ACYP2: variants seen among roughly 807,000 people sequenced by gnomAD.
The protein encoded by ACYP2 is acylphosphatase 2.
Under a neutral mutation model 11.2 loss-of-function variants are expected in ACYP2, and 12 were observed. The observed-to-expected ratio is 1.08, with a 90% CI of 0.69 to 1.74. ACYP2 has a LOEUF of 1.74. Among genes scored for constraint, ACYP2 ranks in the 40% most tolerant of loss-of-function variants. The pLI is 0.00. For synonymous variants in ACYP2, 43 were observed against 32.2 expected, an observed-to-expected ratio of 1.33 and a Z score of -1.13; for missense variants, 134 against 101.9, an observed-to-expected ratio of 1.31 and a Z score of -1.35.
chr2:54,097,933 C>T, intron 4 of ACYP2, among the ~76,000 whole-genome samples: 1 of 127,518 alleles, frequency 7.8e-6, no homozygotes, highest in Non-Finnish European at 1.9e-5. Flanking sequence ...CTTCCTCCCC[C>T]TCCTTCCCTT....
chr2:54,022,424 C>T (rs998528659), intron 2 of ACYP2, among the ~76,000 whole-genome samples: 46 of 152,100 alleles, frequency 3.0e-4, no homozygotes, highest in African/African-American at 1.1e-3. Context: ...CTCTGTCACC[C>T]ATGCTAGAGT....
chr2:54,081,548 C>A (rs74655156), intron 4 of ACYP2, among the ~76,000 whole-genome samples: 1 of 152,134 alleles, frequency 6.6e-6, no homozygotes, highest in Admixed American at 6.6e-5. Flanking sequence ...ACCATATAGA[C>A]CAGGTGTGGA....
At chr2:54,011,858 G>A (rs899354111) in intron 2 of ACYP2, among the ~76,000 whole-genome samples, 1 of 151,932 alleles carries the variant, frequency 6.6e-6, no homozygotes, top group East Asian at 1.9e-4. Flanking sequence ...AGTTTTAAAT[G>A]GTTTCAAGTC....
intron 2 of ACYP2, among the ~76,000 whole-genome samples, chr2:54,004,130 T>C (rs6715488): frequency 0.47 from 70,721 of 151,704 alleles, 16,659 homozygotes; most frequent in South Asian, 0.55. Flanking sequence ...ACCACAGACA[T>C]GCGCCGCCAT....
intron 4 of ACYP2, among the ~76,000 whole-genome samples, chr2:54,133,584 C>T (rs1243741136): frequency 1.3e-5 from 2 of 152,170 alleles, no homozygotes; most frequent in Non-Finnish European, 2.9e-5. Flanking sequence ...CCTATTTTAA[C>T]CAACTCTCAA....
At chr2:54,250,818 A>G (rs1687189317) in intron 6 of ACYP2, among the ~76,000 whole-genome samples, 2 of 152,254 alleles carry the variant, frequency 1.3e-5, no homozygotes, top group Admixed American at 6.5e-5. Context: ...ATAATTCTAT[A>G]GAAGTTTTTG....
At chr2:54,036,718 C>A (rs1156679197) in intron 2 of ACYP2, among the ~76,000 whole-genome samples, 1 of 152,182 alleles carries the variant, frequency 6.6e-6, no homozygotes, top group Non-Finnish European at 1.5e-5. Context: ...ATTAGGCAAG[C>A]AAGAAAATTC....
chr2:54,274,073 C>G (rs1358132338), intron 6 of ACYP2, among the ~76,000 whole-genome samples: 1 of 152,116 alleles, frequency 6.6e-6, no homozygotes, highest in East Asian at 1.9e-4. Context: ...TGAGACTGAG[C>G]AATTTACAAA....
At chr2:54,269,655 A>G (rs1660634330) in intron 6 of ACYP2, among the ~76,000 whole-genome samples, 1 of 152,204 alleles carries the variant, frequency 6.6e-6, no homozygotes, top group African/African-American at 2.4e-5. Flanking sequence ...ACCATTTGGC[A>G]CTAATATCCC....
In ACYP2 at chr2:54,088,736, C is replaced by T. The variant is rs1678073563; in HGVS notation, c.277+31376C>T. Among the ~76,000 whole-genome samples, 5 of 152,124 alleles carry T rather than the reference C, an allele frequency of 3.3e-5. No individual in the cohort carries two copies. In the South Asian group the frequency reaches 1.0e-3, roughly 32 times the overall value. On this transcript the variant is annotated intron_variant, in intron 4 of 6. Coordinates refer to ENST00000607452, the MANE Select transcript of ACYP2 (RefSeq NM_001320586.2). ...GTGGCTTAAAGTGACCATAGATTGG[C>T]CTATTAATTAAGATTAAGCTGAAAA... is the stretch of plus-strand genomic sequence containing the variant.
chr2:54,004,943 T>C lies in ACYP2; in HGVS notation c.62+31133T>C, dbSNP rs79085132. Among the ~76,000 whole-genome samples the C allele has an allele frequency of 1.4e-3, 207 of 151,680 alleles. 1 individual carries two copies. In the East Asian group the frequency reaches 0.015, roughly 11 times the overall value. On this transcript the variant is annotated intron_variant, in intron 2 of 6. Transcript: ENST00000607452. Reference sequence around the variant, plus strand: ...AAAGAAAGAAAAGAAAAGAGCTCTTTGTATATTTTTGATAACAGTCTAACA... The same window carrying C: ...AAAGAAAGAAAAGAAAAGAGCTCTTCGTATATTTTTGATAACAGTCTAACA...
chr2:54,254,368 G>C (rs1376339748), intron 6 of ACYP2: 2 of 152,988 alleles, frequency 1.3e-5, no homozygotes, highest in African/African-American at 4.8e-5. Flanking sequence ...TGCCCAAGTA[G>C]CAGTACTTGG....
chr2:54,304,704 A>G lies in ACYP2; in HGVS notation c.421A>G (p.Lys141Glu), dbSNP rs1205865310. 1 of 1,610,084 alleles carries G rather than the reference A, an allele frequency of 6.2e-7. No individual in the cohort carries two copies. The highest frequency in any genetic ancestry group is 8.5e-7 in the Non-Finnish European group (1 of 1,178,568). The change falls in exon 7 of 7, where the codon AAG becomes GAG. Residue 141 changes from lysine (K) to glutamate (E), a missense_variant. Coordinates refer to ENST00000607452, the MANE Select transcript of ACYP2 (RefSeq NM_001320586.2). Reference sequence around the variant, plus strand: ...TTTTTATAGGAAGTCCTGGCTGAGCAAGGTTGGAAGCCCTAGTTCTCGCAT... The same window carrying G: ...TTTTTATAGGAAGTCCTGGCTGAGCGAGGTTGGAAGCCCTAGTTCTCGCAT...
At chr2:54,175,353 A>G (rs1683412617) in intron 6 of ACYP2, among the ~76,000 whole-genome samples, 1 of 152,038 alleles carries the variant, frequency 6.6e-6, no homozygotes, top group Non-Finnish European at 1.5e-5. Flanking sequence ...GGTAGTTTGT[A>G]TTTCTGTGGG....
At chr2:54,286,335 G>C (rs1239875277) in intron 6 of ACYP2, among the ~76,000 whole-genome samples, 1 of 151,956 alleles carries the variant, frequency 6.6e-6, no homozygotes, top group Non-Finnish European at 1.5e-5. Flanking sequence ...TGCTAGCCTG[G>C]AAAAAGATCA....
At chr2:54,219,616 C>A (rs1199843992) in intron 6 of ACYP2, among the ~76,000 whole-genome samples, 1 of 151,850 alleles carries the variant, frequency 6.6e-6, no homozygotes, top group Non-Finnish European at 1.5e-5. Context: ...AAGTTCATAG[C>A]ACTTTTTTTG....
intron 6 of ACYP2, among the ~76,000 whole-genome samples, chr2:54,197,256 C>T (rs566391516): frequency 1.3e-5 from 2 of 152,114 alleles, no homozygotes; most frequent in South Asian, 4.2e-4. Context: ...CAGGGGTCAC[C>T]CAGGGCACTG....
chr2:54,050,765 CT>C (rs966186427), intron 2 of ACYP2, among the ~76,000 whole-genome samples: 5 of 151,930 alleles, frequency 3.3e-5, no homozygotes, highest in African/African-American at 1.2e-4. Flanking sequence ...ATTCCTTTGT[CT>C]TTTTAAAATT....
In ACYP2 at chr2:54,261,237, A is replaced by C. The variant is rs577030247; in HGVS notation, c.405-43451A>C. ...TTGTTTTAAGGCATGGACTAGAAAC[A>C]GTTGAAAAGAATAATATACAATTTC... On this transcript the variant is annotated intron_variant, in intron 6 of 6. Transcript: ENST00000607452. 2.0e-5 allele frequency among the ~76,000 whole-genome samples: 3 copies of C among 152,348 alleles called. No homozygotes were observed. The South Asian group carries it at 6.2e-4, about 32-fold the overall frequency.
Sources: gnomAD v4.1 joint callset for allele counts (sites outside exome capture counted in the v4.1 genomes callset) on GRCh38, gnomAD v4.1.1 for gene constraint, MANE v1.5 for transcripts, NCBI Gene and HGNC (gene_info 2026-07-23, HGNC 2026-07-21) for gene names.